Variants in CES1 observed in about 807,000 individuals in gnomAD.
CES1 encodes the protein carboxylesterase 1, also known as liver carboxylesterase 1.
Under a neutral mutation model 53.0 loss-of-function variants are expected in CES1, and 50 were observed. The ratio of observed to expected loss-of-function variants is 0.94; its 90% CI spans 0.75 to 1.19. The LOEUF (loss-of-function observed/expected upper bound fraction) is 1.19. CES1 is among the 50% of genes most tolerant of loss of function. The pLI is 0.00. For missense variants in CES1, 534 were observed against 538.0 expected (o/e 0.99, Z 0.07); for synonymous variants, 202 against 210.1 (o/e 0.96, Z 0.33).
Position 55,833,049 on chromosome 16 carries a change from G to A in CES1, c.7C>T (p.Leu3Phe), listed in dbSNP as rs765994983. The A allele has an allele frequency of 7.1e-6, 11 of 1,558,412 alleles. No individual in the cohort carries two copies. Among genetic ancestry groups the A allele is most frequent in the Non-Finnish European group, 9.7e-6 (11 of 1,139,210 alleles). MW[L>F]RAFILATLSA... ...AGAGTGGCCAGGATAAAGGCACGGA[G>A]CCACATCGTGGAAGGGCGACAGTTC... Residue 3 changes from leucine (L) to phenylalanine (F), a missense_variant, in exon 1 of 14, where the codon CTC becomes TTC. Physicochemically the swap from Leu to Phe is conservative, Grantham distance 22. Coordinates refer to ENST00000360526, the MANE Select transcript of CES1 (RefSeq NM_001025195.2).
At chr16:55,825,526 C>G (rs1432496502) in intron 3 of CES1, among the ~76,000 whole-genome samples, 1 of 152,354 alleles carries the variant, frequency 6.6e-6, no homozygotes, top group South Asian at 2.1e-4. Context: ...AAAGAAATCC[C>G]AGCTATTTGG....
chr16:55,818,871 G>C (rs1774532360), intron 7 of CES1, among the ~76,000 whole-genome samples: 1 of 152,080 alleles, frequency 6.6e-6, no homozygotes, highest in African/African-American at 2.4e-5. Context: ...GTTGATTTTG[G>C]AGGAATGGGT....
chr16:55,824,827 C>T (rs1462037559), intron 3 of CES1, among the ~76,000 whole-genome samples: 2 of 152,206 alleles, frequency 1.3e-5, no homozygotes, highest in Non-Finnish European at 2.9e-5. Flanking sequence ...ACTCCCAAGT[C>T]TCTCAGCTAG....
At position 55,832,269 on chromosome 16, in the gene CES1, T is replaced by C. The variant is rs2032713243; in HGVS notation, c.52+735A>G. 2.0e-5 allele frequency among the ~76,000 whole-genome samples: 3 copies of C among 152,264 alleles called. No individual in the cohort carries two copies. In the South Asian group the frequency reaches 6.2e-4, roughly 32 times the overall value. ...TGTCCCCTCCCCAGGCTCTGCTGCTTCCCCTTGTGCCCCGCGCACTGGTGT... is the reference window on the plus strand; with the variant it reads ...TGTCCCCTCCCCAGGCTCTGCTGCTCCCCCTTGTGCCCCGCGCACTGGTGT... On this transcript the variant is annotated intron_variant, in intron 1 of 13. Coordinates refer to ENST00000360526, the MANE Select transcript of CES1 (RefSeq NM_001025195.2).
intron 4 of CES1, among the ~76,000 whole-genome samples, chr16:55,822,023 T>C (rs1209110215): frequency 6.6e-6 from 1 of 152,202 alleles, no homozygotes; most frequent in African/African-American, 2.4e-5. Flanking sequence ...AATGAGCACA[T>C]GAACCTTGTA....
intron 11 of CES1, among the ~76,000 whole-genome samples, chr16:55,808,699 T>G (rs1169716729): frequency 6.6e-6 from 1 of 152,172 alleles, no homozygotes; most frequent in East Asian, 1.9e-4. Context: ...TATTGTAGCA[T>G]CAGAATGTGA....
intron 3 of CES1, among the ~76,000 whole-genome samples, chr16:55,824,216 C>T (rs540070948): frequency 3.1e-3 from 479 of 152,338 alleles, no homozygotes; most frequent in African/African-American, 0.011. Flanking sequence ...TCCTATCCAC[C>T]CTGCAGAACC....
In CES1 at chr16:55,833,046, G is replaced by A; in HGVS notation, c.10C>T (p.Arg4Cys). 1 of 1,557,244 alleles carries A rather than the reference G, an allele frequency of 6.4e-7. No homozygotes were observed. The highest frequency in any genetic ancestry group is 8.8e-7 in the Non-Finnish European group (1 of 1,138,656). The change falls in exon 1 of 14, where the codon CGT (arginine) becomes TGT (cysteine). Residue 4 changes from arginine to cysteine, a missense_variant. Arg to Cys is a radical substitution (Grantham distance 180, BLOSUM62 -3). Transcript: ENST00000360526. MWL[R>C]AFILATLSAS... is the part of the protein sequence containing the mutation. The stretch of plus-strand genomic sequence containing the variant: ...GAGAGAGTGGCCAGGATAAAGGCAC[G>A]GAGCCACATCGTGGAAGGGCGACAG...
At chr16:55,817,028 G>A (rs74019275) in intron 7 of CES1, 66 bp from the exon 8 acceptor site, 3 of 1,558,730 alleles carry the variant, frequency 1.9e-6, no homozygotes, top group East Asian at 2.2e-5. Flanking sequence ...CTGGGTGAGT[G>A]GGGCAACAGA....
Position 55,821,448 on chromosome 16 carries a change from T to A in CES1, c.613A>T (p.Asn205Tyr), listed in dbSNP as rs749956540. ...GGGTTCCCTCCAAAGCTGGCAATGTTGTCCTGGACCCAGCGCAGGGCAGCC... is the reference window on the plus strand; with the variant it reads ...GGGTTCCCTCCAAAGCTGGCAATGTAGTCCTGGACCCAGCGCAGGGCAGCC... ...QVAALRWVQD[N>Y]IASFGGNPGS... The change falls in exon 5 of 14, where the codon AAC (asparagine) becomes TAC (tyrosine). Residue 205 changes from asparagine (N) to tyrosine (Y), a missense_variant. By Grantham distance (143) the Asn-to-Tyr change is moderately radical. Coordinates refer to ENST00000360526, the MANE Select transcript of CES1 (RefSeq NM_001025195.2). 6.8e-6 allele frequency: 11 copies of A among 1,614,064 alleles called. No individual in the cohort carries two copies. The Admixed American group carries it at 8.3e-5, about 12-fold the overall frequency.
chr16:55,817,959 C>T lies in CES1; in HGVS notation c.907-997G>A, dbSNP rs1199352742. On this transcript the variant is annotated intron_variant, in intron 7 of 13. Coordinates refer to ENST00000360526, the MANE Select transcript of CES1 (RefSeq NM_001025195.2). ...CATGCAGAATTGCTGGAATATTTGC[C>T]TCCTTCCGGGCGTTAGAAAACAGTT... Among the ~76,000 whole-genome samples, 3 of 152,310 alleles carry T rather than the reference C, an allele frequency of 2.0e-5. No individual in the cohort carries two copies. The East Asian group carries it at 5.8e-4, about 29-fold the overall frequency.
Position 55,826,205 on chromosome 16 carries a change from A to G in CES1, c.351T>C (p.Cys117=), listed in dbSNP as rs768571626. 17 of 1,613,852 alleles carry G rather than the reference A, an allele frequency of 1.1e-5. No individual in the cohort carries two copies. The highest frequency in any genetic ancestry group is 1.3e-5 in the Non-Finnish European group (15 of 1,179,864). ...ENIPLKLSED[C]LYLNIYTPAD... ...CAGGAGTGTAAATATTGAGGTAAAG[A>G]CAGTCTTCAGAAAGCTTGAGAGGAA... The change falls in exon 3 of 14, where the codon TGT becomes TGC. Residue 117 remains cysteine, a synonymous_variant. Coordinates refer to ENST00000360526, the MANE Select transcript of CES1 (RefSeq NM_001025195.2).
intron 4 of CES1, among the ~76,000 whole-genome samples, chr16:55,822,496 G>A (rs752268049): frequency 6.6e-6 from 1 of 152,204 alleles, no homozygotes; most frequent in Non-Finnish European, 1.5e-5. Context: ...GTGGAGGCGT[G>A]GTGGGAGGAG....
chr16:55,826,394 G>T, intron 2 of CES1, 99 bp from the exon 3 acceptor site: 1 of 1,411,670 alleles, frequency 7.1e-7, no homozygotes, highest in Non-Finnish European at 1.0e-6. Context: ...GCCTGGAAAT[G>T]GACTTGATAG....
intron 2 of CES1, among the ~76,000 whole-genome samples, chr16:55,827,593 A>G (rs1445441285): frequency 3.3e-5 from 5 of 152,126 alleles, no homozygotes; most frequent in African/African-American, 9.7e-5. Context: ...CTATTCATGA[A>G]TGTGCATAAA....
intron 2 of CES1, chr16:55,828,008 G>A (rs569445044): frequency 6.6e-6 from 1 of 152,510 alleles, no homozygotes; most frequent in African/African-American, 2.4e-5. Flanking sequence ...TATTACATTT[G>A]CACTCAGAAA....
chr16:55,819,682 C>T (rs1215245715), intron 6 of CES1, 43 bp from the exon 7 acceptor site: 4 of 1,489,688 alleles, frequency 2.7e-6, no homozygotes, highest in Admixed American at 1.7e-5. Flanking sequence ...GAGCGACATC[C>T]CTTCCCTCCA....
In CES1 at chr16:55,814,213, A is replaced by G. The variant is rs111848714; in HGVS notation, c.946-1170T>C. On this transcript the variant is annotated intron_variant, in intron 8 of 13. Coordinates refer to ENST00000360526, the MANE Select transcript of CES1 (RefSeq NM_001025195.2). ...AGAGAAAATCATGAGTAAAAGAATC[A>G]GTGATTAACTCACAGTATATTGATC... is the stretch of plus-strand genomic sequence containing the variant. Among the ~76,000 whole-genome samples the G allele has an allele frequency of 9.6e-3, 1,466 of 152,338 alleles. 24 individuals are homozygous for G. The highest frequency in any genetic ancestry group is 0.034 in the African/African-American group (1,409 of 41,550).
At chr16:55,813,456 G>A (rs1325952193) in intron 8 of CES1, among the ~76,000 whole-genome samples, 1 of 151,898 alleles carries the variant, frequency 6.6e-6, no homozygotes, top group African/African-American at 2.4e-5. Context: ...GGAAATACTG[G>A]GTTAGGTTTT....
Sources: gnomAD v4.1 joint callset for allele counts (sites outside exome capture counted in the v4.1 genomes callset) on GRCh38, gnomAD v4.1.1 for gene constraint, MANE v1.5 for transcripts, NCBI Gene and HGNC (gene_info 2026-07-23, HGNC 2026-07-21) for gene names.